Variants in RELN observed in about 807,000 individuals in gnomAD.
RELN encodes the protein reelin.
A neutral mutation model predicts 427.6 loss-of-function variants in RELN; 108 were observed. That is an observed-to-expected ratio of 0.25 (90% CI 0.22 to 0.30). The LOEUF (loss-of-function observed/expected upper bound fraction) is 0.30. Among genes scored for constraint, RELN ranks in the 10% least tolerant of loss-of-function variants. RELN has a pLI of 1.00. For synonymous variants in RELN, 1,524 were observed against 1,513.4 expected (o/e 1.01, Z -0.16); for missense variants, 3,715 against 4,302.8 (o/e 0.86, Z 3.82).
chr7:103,730,036 C>T (rs1339405275), intron 6 of RELN, among the ~76,000 whole-genome samples: 1 of 152,000 alleles, frequency 6.6e-6, no homozygotes, highest in African/African-American at 2.4e-5. Flanking sequence ...TAGTAGGCTC[C>T]TTACTTTAGT....
At chr7:103,649,008 C>T (rs1005028733) in intron 16 of RELN, among the ~76,000 whole-genome samples, 8 of 151,896 alleles carry the variant, frequency 5.3e-5, no homozygotes, top group African/African-American at 1.9e-4. Flanking sequence ...ATTAGTAAAA[C>T]CTCTGGAAAA....
At chr7:103,914,477 A>G (rs891180299) in intron 2 of RELN, among the ~76,000 whole-genome samples, 2 of 151,984 alleles carry the variant, frequency 1.3e-5, no homozygotes, top group East Asian at 1.9e-4. Context: ...TGCTCCCCCT[A>G]TAGGAAGTGT....
chr7:103,481,521 A>C (rs981369545), intron 63 of RELN, among the ~76,000 whole-genome samples: 2 of 152,186 alleles, frequency 1.3e-5, no homozygotes, highest in African/African-American at 4.8e-5. Context: ...TTAAAACAAG[A>C]ATGATGCCCA....
Position 103,575,616 on chromosome 7 carries a change from C to T in RELN, c.4235G>A (p.Cys1412Tyr), listed in dbSNP as rs1394564556. The T allele has an allele frequency of 6.2e-7, 1 of 1,614,154 alleles. No homozygotes were observed. The highest frequency in any genetic ancestry group is 1.7e-5 in the Admixed American group (1 of 60,022). The change falls in exon 29 of 65, where the codon TGT becomes TAT. Residue 1412 changes from cysteine (C) to tyrosine (Y), a missense_variant. Coordinates refer to ENST00000428762, the MANE Select transcript of RELN (RefSeq NM_005045.4). ...CCCATGGCCACTGCAGTAACTGGGA[C>T]AAGGCTCGGATATGTACACTCCATC... Reference protein sequence around the residue: ...GLDGVYISEPCPSYCSGHGDC... With the variant: ...GLDGVYISEPYPSYCSGHGDC...
intron 43 of RELN, among the ~76,000 whole-genome samples, chr7:103,541,615 T>G (rs1438425568): frequency 2.6e-5 from 4 of 152,222 alleles, no homozygotes; most frequent in Non-Finnish European, 5.9e-5. Flanking sequence ...TCTAGTGACG[T>G]TTACATTTGT....
At chr7:103,937,761 A>G (rs985018157) in intron 1 of RELN, among the ~76,000 whole-genome samples, 1 of 152,234 alleles carries the variant, frequency 6.6e-6, no homozygotes, top group Non-Finnish European at 1.5e-5. Flanking sequence ...ATAGAGATTA[A>G]AACAAATATG....
chr7:103,984,521 T>C (rs529433022), intron 1 of RELN, among the ~76,000 whole-genome samples: 6 of 152,310 alleles, frequency 3.9e-5, no homozygotes, highest in Middle Eastern at 6.8e-3. Context: ...GACTTGATTT[T>C]AGTTTAAAAT....
At chr7:103,921,341 C>G (rs1044891852) in intron 1 of RELN, among the ~76,000 whole-genome samples, 1 of 152,058 alleles carries the variant, frequency 6.6e-6, no homozygotes, top group Non-Finnish European at 1.5e-5. Context: ...TTTAAACAAT[C>G]CATTCTCCCA....
At chr7:103,923,666 C>T (rs928544496) in intron 1 of RELN, among the ~76,000 whole-genome samples, 1 of 152,112 alleles carries the variant, frequency 6.6e-6, no homozygotes, top group Admixed American at 6.6e-5. Context: ...CCTATCTATT[C>T]CAACAACAAA....
chr7:103,773,055 G>C (rs1158880806), intron 4 of RELN, among the ~76,000 whole-genome samples: 1 of 152,058 alleles, frequency 6.6e-6, no homozygotes, highest in African/African-American at 2.4e-5. Flanking sequence ...CCTGATGTGA[G>C]GTGGATCAGC....
intron 9 of RELN, among the ~76,000 whole-genome samples, chr7:103,698,805 G>A (rs538463044): frequency 8.5e-5 from 13 of 152,176 alleles, no homozygotes; most frequent in African/African-American, 1.4e-4. Context: ...GTGAGCCACC[G>A]TGCCTGGCAA....
At chr7:103,713,902 T>G (rs1290145036) in intron 8 of RELN, among the ~76,000 whole-genome samples, 1 of 152,210 alleles carries the variant, frequency 6.6e-6, no homozygotes, top group African/African-American at 2.4e-5. Context: ...AGATTTTTAT[T>G]TCCTTCTTTA....
chr7:103,879,037 T>A (rs1438975610), intron 2 of RELN, among the ~76,000 whole-genome samples: 1 of 152,202 alleles, frequency 6.6e-6, no homozygotes, highest in Non-Finnish European at 1.5e-5. Context: ...ATGTCTAAGC[T>A]GTTTTGAATT....
intron 46 of RELN, 100 bp from the exon 47 acceptor site, chr7:103,523,631 T>G (rs1205352269): frequency 9.2e-7 from 1 of 1,089,530 alleles, no homozygotes; most frequent in Non-Finnish European, 1.4e-6. Flanking sequence ...CACAAAAGCA[T>G]GTACATTCCT....
At chr7:103,938,384 T>C (rs1451979824) in intron 1 of RELN, among the ~76,000 whole-genome samples, 2 of 152,198 alleles carry the variant, frequency 1.3e-5, no homozygotes, top group Non-Finnish European at 2.9e-5. Flanking sequence ...AATATACCTC[T>C]AAAGACTGAG....
intron 14 of RELN, among the ~76,000 whole-genome samples, chr7:103,652,080 A>G (rs2117390201): frequency 6.6e-6 from 1 of 152,140 alleles, no homozygotes; most frequent in African/African-American, 2.4e-5. Flanking sequence ...ACCATGTCTC[A>G]CACTGTCACT....
intron 2 of RELN, among the ~76,000 whole-genome samples, chr7:103,916,005 A>G (rs1795474376): frequency 6.6e-6 from 1 of 152,170 alleles, no homozygotes; most frequent in South Asian, 2.1e-4. Flanking sequence ...ACAGACTGTG[A>G]AATCTAACCT....
rs762459225 is a variant in RELN, at chr7:103,676,230, G to A, written c.1289+5886C>T. 1.3e-5 allele frequency among the ~76,000 whole-genome samples: 2 copies of A among 152,064 alleles called. 1 individual carries two copies. Among genetic ancestry groups the A allele is most frequent in the African/African-American group, 4.8e-5 (2 of 41,370 alleles). Reference sequence around the variant, plus strand: ...AAACCCCATCAAAAAGTGGGCAAAGGCTATGAACAGACACTTCTCAAAAGA... The same window carrying A: ...AAACCCCATCAAAAAGTGGGCAAAGACTATGAACAGACACTTCTCAAAAGA... On this transcript the variant is annotated intron_variant, in intron 11 of 64. Transcript: ENST00000428762.
At chr7:103,972,919 T>TGTGTGTGTGTGTGC (rs749802741) in intron 1 of RELN, among the ~76,000 whole-genome samples, 3 of 151,752 alleles carry the variant, frequency 2.0e-5, no homozygotes, top group East Asian at 1.9e-4. Context: ...TGTGTGTGTG[T>TGTGTGTGTGTGTGC]GCTACAAGAT....
Sources: gnomAD v4.1 joint callset for allele counts (sites outside exome capture counted in the v4.1 genomes callset) on GRCh38, gnomAD v4.1.1 for gene constraint, MANE v1.5 for transcripts, NCBI Gene and HGNC (gene_info 2026-07-23, HGNC 2026-07-21) for gene names.